The following SYNE2 variants were observed in gnomAD, a reference collection of about 807,000 sequenced individuals.
SYNE2 encodes spectrin repeat containing nuclear envelope protein 2, also known as nesprin-2.
SYNE2 carries 431 observed loss-of-function variants against 856.3 expected under a neutral mutation model. That is an observed-to-expected ratio of 0.50 (90% CI 0.47 to 0.55). The LOEUF is 0.55. Among genes scored for constraint, SYNE2 ranks in the 20% least tolerant of loss-of-function variants. The pLI is 0.00. For synonymous variants in SYNE2, 2,923 were observed against 2,872.3 expected, an observed-to-expected ratio of 1.02 and a Z score of -0.56; for missense variants, 8,129 against 8,023.2, an observed-to-expected ratio of 1.01 and a Z score of -0.50.
At chr14:64,215,571 T>C in intron 107 of SYNE2, 1 of 617,860 alleles carries the variant, frequency 1.6e-6, no homozygotes. Flanking sequence ...GCCAACCCCC[T>C]CTCCTCCCTT....
chr14:63,891,453 A>G (rs1020887903), intron 1 of SYNE2, among the ~76,000 whole-genome samples: 2 of 152,158 alleles, frequency 1.3e-5, no homozygotes, highest in African/African-American at 2.4e-5. Flanking sequence ...TGCCTTCTTC[A>G]TTGATGGGAA....
rs1298349466 is a variant in SYNE2, at chr14:64,190,348, C to T, written c.18038+111C>T. On this transcript the variant is annotated intron_variant, in intron 99 of 115. Transcript: ENST00000555002. Reference sequence around the variant, plus strand: ...ATGATCCAGCAATTTTATAAGTTTACAGATTAAGGCAAAGTTTGATAAAAA... The same window carrying T: ...ATGATCCAGCAATTTTATAAGTTTATAGATTAAGGCAAAGTTTGATAAAAA... The T allele has an allele frequency of 1.0e-5, 14 of 1,392,508 alleles. No homozygotes were observed. The Admixed American group carries it at 2.6e-4, about 25-fold the overall frequency. The allele number at this position is 1,392,508 out of a possible 1,614,324, so 86.3% of individuals were successfully genotyped here.
In SYNE2 at chr14:63,967,339, G is replaced by A. The variant is rs185494368; in HGVS notation, c.991-370G>A. On this transcript the variant is annotated intron_variant, in intron 10 of 115. Transcript: ENST00000555002. ...AAATCGCTTATATATGACTACTGCCGTCATATAATTTTCACATTCATTCAT... is the reference window on the plus strand; with the variant it reads ...AAATCGCTTATATATGACTACTGCCATCATATAATTTTCACATTCATTCAT... 1.2e-4 allele frequency among the ~76,000 whole-genome samples: 19 copies of A among 152,268 alleles called. No individual in the cohort carries two copies. In the East Asian group the frequency reaches 2.7e-3, roughly 22 times the overall value.
chr14:63,896,529 C>T (rs141637734), intron 1 of SYNE2, among the ~76,000 whole-genome samples: 4 of 152,236 alleles, frequency 2.6e-5, no homozygotes, highest in Admixed American at 1.3e-4. Flanking sequence ...AAATGCGTGG[C>T]GGAGAACTTT....
At chr14:63,924,859 T>TTTTTTTTTTTTTTTTTTTTTTTTTTTTC (rs2095644776) in intron 2 of SYNE2, among the ~76,000 whole-genome samples, 1 of 142,486 alleles carries the variant, frequency 7.0e-6, no homozygotes, top group Non-Finnish European at 1.5e-5. Context: ...TTTTTTTTTT[T>TTTTTTTTTTTTTTTTTTTTTTTTTTTTC]TTTTGCCTTA....
At chr14:64,000,493 T>C in intron 27 of SYNE2, 69 bp from the exon 28 acceptor site, 1 of 1,427,048 alleles carries the variant, frequency 7.0e-7, no homozygotes, top group Non-Finnish European at 9.8e-7. Flanking sequence ...ATGTCTCATG[T>C]TTTAAGAACA....
intron 96 of SYNE2, among the ~76,000 whole-genome samples, chr14:64,180,697 T>A (rs1291272275): frequency 1.3e-5 from 2 of 152,028 alleles, no homozygotes; most frequent in African/African-American, 4.8e-5. Flanking sequence ...AGAGACGGGG[T>A]TTCACCATGT....
intron 1 of SYNE2, among the ~76,000 whole-genome samples, chr14:63,807,857 AT>A (rs1888436908): frequency 1.0e-5 from 1 of 99,982 alleles, no homozygotes; most frequent in South Asian, 3.6e-4. Flanking sequence ...ATATATATAT[AT>A]ATATATAATT....
rs2153537766 is a variant in SYNE2 at position 64,024,897 on chromosome 14, G to A, written c.5841-15G>A. 5 of 1,613,580 alleles carry A rather than the reference G, an allele frequency of 3.1e-6. 1 individual carries two copies. The South Asian group carries it at 5.5e-5, about 18-fold the overall frequency. ...TTGCTTATTTTGTATTTAAACATGT[G>A]TAATGCTCTTTTAGACTCCAGGATG... On this transcript the variant is annotated splice_polypyrimidine_tract_variant and intron_variant, in intron 39 of 115. Coordinates refer to ENST00000555002, the MANE Select transcript of SYNE2 (RefSeq NM_182914.3).
chr14:64,090,779 T>G, intron 59 of SYNE2, 87 bp from the exon 60 acceptor site: 1 of 1,207,636 alleles, frequency 8.3e-7, no homozygotes. Flanking sequence ...CTATAAAAAC[T>G]ATACTGTATT....
chr14:63,829,807 G>A (rs139421651), intron 1 of SYNE2, among the ~76,000 whole-genome samples: 7 of 151,824 alleles, frequency 4.6e-5, no homozygotes, highest in Non-Finnish European at 7.4e-5. Flanking sequence ...TGGGGTAGAC[G>A]GGGGTCTCAC....
upstream of SYNE2, among the ~76,000 whole-genome samples, chr14:63,848,038 C>T (rs1197146581): frequency 6.6e-6 from 1 of 152,150 alleles, no homozygotes; most frequent in South Asian, 2.1e-4. Context: ...AGGCGCTCAC[C>T]ACCATGCCTG....
intron 1 of SYNE2, among the ~76,000 whole-genome samples, chr14:63,801,716 A>G (rs1349040380): frequency 6.6e-6 from 1 of 152,048 alleles, no homozygotes; most frequent in Non-Finnish European, 1.5e-5. Flanking sequence ...CTAGAAATAG[A>G]AGAAAAGGAT....
chr14:63,768,098 G>A (rs1886754974), intron 1 of SYNE2, among the ~76,000 whole-genome samples: 1 of 151,982 alleles, frequency 6.6e-6, no homozygotes, highest in Non-Finnish European at 1.5e-5. Flanking sequence ...GGAGGCTGAG[G>A]TGGGATCGCT....
chr14:64,120,633 C>A (rs149982509), intron 67 of SYNE2, among the ~76,000 whole-genome samples: 38 of 152,216 alleles, frequency 2.5e-4, no homozygotes, highest in African/African-American at 8.9e-4. Context: ...GTGTGGTGGG[C>A]ACAACTGCAA....
At chr14:63,870,667 T>G (rs1896611222) in intron 1 of SYNE2, among the ~76,000 whole-genome samples, 2 of 145,502 alleles carry the variant, frequency 1.4e-5, no homozygotes, top group African/African-American at 2.6e-5. Context: ...CTCAGAGAGG[T>G]TAAGTAATTT....
intron 1 of SYNE2, among the ~76,000 whole-genome samples, chr14:63,783,171 G>A (rs756285953): frequency 6.6e-6 from 1 of 152,182 alleles, no homozygotes; most frequent in Non-Finnish European, 1.5e-5. Context: ...CTATTCTCAT[G>A]ATAGTGAATG....
intron 94 of SYNE2, among the ~76,000 whole-genome samples, chr14:64,172,758 C>T (rs1026634624): frequency 1.3e-5 from 2 of 152,026 alleles, no homozygotes; most frequent in African/African-American, 2.4e-5. Flanking sequence ...TAGTGAGACC[C>T]CTGTCTCTAC....
intron 108 of SYNE2, among the ~76,000 whole-genome samples, chr14:64,217,811 C>T (rs537154783): frequency 1.3e-5 from 2 of 152,180 alleles, no homozygotes; most frequent in Admixed American, 6.5e-5. Flanking sequence ...GAAAGCAGGG[C>T]TTTTCTAAAA....
Sources: gnomAD v4.1 joint callset for allele counts (sites outside exome capture counted in the v4.1 genomes callset) on GRCh38, gnomAD v4.1.1 for gene constraint, MANE v1.5 for transcripts, NCBI Gene and HGNC (gene_info 2026-07-23, HGNC 2026-07-21) for gene names.